Variants in CDYL observed in about 807,000 individuals in gnomAD.
CDYL encodes the protein chromodomain Y like, also known as chromodomain Y-like protein.
Under a neutral mutation model 47.3 loss-of-function variants are expected in CDYL, and 8 were observed. The observed-to-expected ratio is 0.17, with a 90% CI of 0.10 to 0.31. The LOEUF is 0.31. CDYL is among the 10% of genes least tolerant of loss of function. The pLI, the probability that CDYL is intolerant of heterozygous loss-of-function variation, is 1.00. For synonymous variants in CDYL, 266 were observed against 265.0 expected, an observed-to-expected ratio of 1.00 and a Z score of -0.04; for missense variants, 471 against 701.4, an observed-to-expected ratio of 0.67 and a Z score of 3.71.
At chr6:4,725,390 G>A (rs1321023433) in intron 2 of CDYL, among the ~76,000 whole-genome samples, 2 of 152,224 alleles carry the variant, frequency 1.3e-5, no homozygotes, top group Middle Eastern at 3.2e-3. Context: ...GGCGGCGCTC[G>A]TGGGGGAGGC....
chr6:4,836,792 G>T (rs1240501788), intron 1 of CDYL, among the ~76,000 whole-genome samples: 1 of 152,202 alleles, frequency 6.6e-6, no homozygotes, highest in Admixed American at 6.5e-5. Context: ...GTGCGAGGAA[G>T]GGCAGTGAGT....
intron 3 of CDYL, among the ~76,000 whole-genome samples, chr6:4,749,293 A>T (rs1363632478): frequency 7.4e-6 from 1 of 135,566 alleles, no homozygotes; most frequent in South Asian, 2.6e-4. Context: ...GGATGGATGG[A>T]TGGATGGATG....
intron 1 of CDYL, among the ~76,000 whole-genome samples, chr6:4,821,241 T>G (rs1759825408): frequency 6.7e-6 from 1 of 149,300 alleles, no homozygotes; most frequent in Admixed American, 6.7e-5. Flanking sequence ...GAGGTGATTA[T>G]CATGGTCATA....
At chr6:4,763,090 A>G (rs937255402) in intron 3 of CDYL, among the ~76,000 whole-genome samples, 5 of 152,216 alleles carry the variant, frequency 3.3e-5, no homozygotes, top group Admixed American at 6.5e-5. Flanking sequence ...AGATTTCTCA[A>G]TGGAAACAAT....
intron 2 of CDYL, among the ~76,000 whole-genome samples, chr6:4,922,165 G>T (rs945784808): frequency 6.6e-6 from 1 of 152,088 alleles, no homozygotes; most frequent in Admixed American, 6.5e-5. Context: ...ATCTTCAGGG[G>T]ATTATGGCTT....
rs1196194035 is a variant in CDYL at position 4,930,497 on chromosome 6, C to T, written c.692-5018C>T. Among the ~76,000 whole-genome samples, 3 of 152,230 alleles carry T rather than the reference C, an allele frequency of 2.0e-5. No individual in the cohort carries two copies. The East Asian group carries it at 5.8e-4, about 29-fold the overall frequency. ...GTGGAAAGGCGGGTGGACTGTTAGG[C>T]TCACCATGTTTGTCTCCTTTCACTC... On this transcript the variant is annotated intron_variant, in intron 2 of 6. Coordinates refer to ENST00000397588, the MANE Select transcript of CDYL (RefSeq NM_004824.4).
At chr6:4,757,565 C>T (rs953151646) in intron 3 of CDYL, among the ~76,000 whole-genome samples, 8 of 152,202 alleles carry the variant, frequency 5.3e-5, no homozygotes, top group East Asian at 3.9e-4. Context: ...ATTATTTGTC[C>T]GAGATCATGT....
At chr6:4,770,183 A>T (rs1758318359) in intron 3 of CDYL, among the ~76,000 whole-genome samples, 1 of 152,080 alleles carries the variant, frequency 6.6e-6, no homozygotes, top group African/African-American at 2.4e-5. Context: ...ATCCTAATAG[A>T]TTGCCAGCTA....
intron 5 of CDYL, among the ~76,000 whole-genome samples, chr6:4,946,376 T>A (rs1315654267): frequency 6.6e-6 from 1 of 152,076 alleles, no homozygotes; most frequent in Non-Finnish European, 1.5e-5. Flanking sequence ...GGTGACCAGG[T>A]GCATCTGCCC....
chr6:4,905,721 CT>C (rs1757215673), intron 2 of CDYL, among the ~76,000 whole-genome samples: 1 of 152,226 alleles, frequency 6.6e-6, no homozygotes, highest in South Asian at 2.1e-4. Context: ...TATGTCAAGT[CT>C]TTGCCTCCAT....
chr6:4,751,921 G>T (rs1758000108), intron 3 of CDYL, among the ~76,000 whole-genome samples: 1 of 152,184 alleles, frequency 6.6e-6, no homozygotes, highest in African/African-American at 2.4e-5. Context: ...TGTTTTGCTG[G>T]CTCTGGGCCC....
At chr6:4,914,205 C>CT (rs11373981) in intron 2 of CDYL, among the ~76,000 whole-genome samples, 115,842 of 137,368 alleles carry the variant, frequency 0.84, 49,087 homozygotes, top group Middle Eastern at 0.89. Flanking sequence ...TGAAAGAGTT[C>CT]TTTTTTTTTT....
At chr6:4,719,067 G>A (rs1019847261) in intron 2 of CDYL, among the ~76,000 whole-genome samples, 1 of 152,102 alleles carries the variant, frequency 6.6e-6, no homozygotes, top group Non-Finnish European at 1.5e-5. Flanking sequence ...AGGCCTACAG[G>A]CATGCACCAC....
chr6:4,893,634 A>G (rs982162752), intron 2 of CDYL, among the ~76,000 whole-genome samples: 4 of 149,316 alleles, frequency 2.7e-5, no homozygotes, highest in Non-Finnish European at 5.9e-5. Flanking sequence ...CAGAGGTTGC[A>G]GTGAGCCGAG....
At chr6:4,710,496 G>A (rs888617177) in intron 1 of CDYL, among the ~76,000 whole-genome samples, 3 of 149,254 alleles carry the variant, frequency 2.0e-5, no homozygotes, top group African/African-American at 7.4e-5. Flanking sequence ...CACCAGGATT[G>A]AGAACCACTG....
At chr6:4,723,547 G>A (rs1224791631) in intron 2 of CDYL, among the ~76,000 whole-genome samples, 4 of 152,180 alleles carry the variant, frequency 2.6e-5, no homozygotes, top group East Asian at 1.9e-4. Flanking sequence ...TGAAAAGGCA[G>A]AGGAGGCTGT....
upstream of CDYL, among the ~76,000 whole-genome samples, chr6:4,771,856 G>T (rs1381448103): frequency 6.6e-6 from 1 of 152,196 alleles, no homozygotes; most frequent in African/African-American, 2.4e-5. Context: ...GATCCAAAAT[G>T]AGTTAGTTAC....
chr6:4,728,547 A>G (rs1238579330), intron 2 of CDYL, among the ~76,000 whole-genome samples: 1 of 152,186 alleles, frequency 6.6e-6, no homozygotes, highest in Non-Finnish European at 1.5e-5. Context: ...GCACTGAGAA[A>G]TCAGTTAATT....
At chr6:4,713,490 C>T (rs1260433729) in intron 1 of CDYL, among the ~76,000 whole-genome samples, 1 of 152,094 alleles carries the variant, frequency 6.6e-6, no homozygotes, top group East Asian at 1.9e-4. Flanking sequence ...CAACTCGACT[C>T]TATCTGTATT....
Sources: allele counts gnomAD v4.1 joint callset (sites outside exome capture counted in the v4.1 genomes callset), GRCh38; gene constraint gnomAD v4.1.1; transcripts MANE v1.5; gene names NCBI Gene and HGNC (gene_info 2026-07-23, HGNC 2026-07-21).